The following PTPRD variants were observed in gnomAD, a reference collection of about 807,000 sequenced individuals.
PTPRD encodes protein tyrosine phosphatase receptor type D.
Under a neutral mutation model 214.5 loss-of-function variants are expected in PTPRD, and 34 were observed. That is an observed-to-expected ratio of 0.16 (90% CI 0.12 to 0.21). The LOEUF is 0.21. Among genes scored for constraint, PTPRD ranks in the 10% least tolerant of loss-of-function variants. The pLI is 1.00. For synonymous variants in PTPRD, 1,128 were observed against 845.7 expected, an observed-to-expected ratio of 1.33 and a Z score of -5.79; for missense variants, 2,545 against 2,398.7, an observed-to-expected ratio of 1.06 and a Z score of -1.27.
chr9:10,030,934 A>G (rs2097053608), intron 4 of PTPRD, among the ~76,000 whole-genome samples: 1 of 152,200 alleles, frequency 6.6e-6, no homozygotes, highest in South Asian at 2.1e-4. Flanking sequence ...ACTTTTCCCT[A>G]TTTAAGTGTT....
At chr9:9,952,296 A>G (rs1281488159) in intron 4 of PTPRD, among the ~76,000 whole-genome samples, 1 of 152,214 alleles carries the variant, frequency 6.6e-6, no homozygotes, top group Non-Finnish European at 1.5e-5. Context: ...AGAATGTAAG[A>G]AGCCAGGTGA....
At chr9:10,340,687 G>T (rs1442728960) in intron 3 of PTPRD, among the ~76,000 whole-genome samples, 2 of 151,796 alleles carry the variant, frequency 1.3e-5, no homozygotes, top group African/African-American at 2.4e-5. Context: ...TTCACATTAA[G>T]AATCTAGGAC....
chr9:9,713,538 G>C (rs1934271), intron 7 of PTPRD, among the ~76,000 whole-genome samples: 118,738 of 152,056 alleles, frequency 0.78, 47,139 homozygotes, highest in African/African-American at 0.92. Context: ...AGGGTTCAAA[G>C]CATAAATGAA....
At chr9:10,400,854 T>A (rs2154495491) in intron 2 of PTPRD, among the ~76,000 whole-genome samples, 1 of 151,756 alleles carries the variant, frequency 6.6e-6, no homozygotes, top group South Asian at 2.1e-4. Flanking sequence ...GTGTTATTTA[T>A]CTATTTCTTT....
At chr9:8,734,011 T>C in intron 11 of PTPRD, 65 bp from the exon 12 acceptor site, 1 of 646,548 alleles carries the variant, frequency 1.5e-6, no homozygotes, top group Non-Finnish European at 2.7e-6. Context: ...TTTCTTACTC[T>C]TTCCCCCCTG....
At chr9:10,430,936 T>TA (rs2098671714) in intron 2 of PTPRD, among the ~76,000 whole-genome samples, 1 of 152,000 alleles carries the variant, frequency 6.6e-6, no homozygotes, top group African/African-American at 2.4e-5. Context: ...TTTATACACT[T>TA]AAATAATATT....
At chr9:9,201,399 G>C (rs73641257) in intron 9 of PTPRD, among the ~76,000 whole-genome samples, 18,139 of 152,148 alleles carry the variant, frequency 0.12, 1,303 homozygotes, top group Admixed American at 0.17. Flanking sequence ...GCAAAGGTGA[G>C]TGCAGCAAAA....
chr9:10,223,446 C>T (rs531183977), intron 3 of PTPRD, among the ~76,000 whole-genome samples: 1 of 152,010 alleles, frequency 6.6e-6, no homozygotes, highest in East Asian at 1.9e-4. Context: ...GGGCAGATCA[C>T]TTGAGGCCAG....
intron 8 of PTPRD, among the ~76,000 whole-genome samples, chr9:9,504,414 A>T (rs1336910353): frequency 6.6e-6 from 1 of 151,582 alleles, no homozygotes; most frequent in Non-Finnish European, 1.5e-5. Flanking sequence ...AAATTATACA[A>T]CCCTTGTCTC....
At chr9:10,210,819 A>ATATATG (rs1554858769) in intron 3 of PTPRD, among the ~76,000 whole-genome samples, 120 of 70,150 alleles carry the variant, frequency 1.7e-3, no homozygotes, top group African/African-American at 7.0e-3. Context: ...ATATATATAT[A>ATATATG]TATGTATGTA....
intron 10 of PTPRD, among the ~76,000 whole-genome samples, chr9:9,165,940 C>T (rs2099902685): frequency 6.6e-6 from 1 of 151,814 alleles, no homozygotes; most frequent in East Asian, 1.9e-4. Flanking sequence ...CAGCCTTTTC[C>T]CCTTAAGTGT....
chr9:9,778,296 C>G (rs577867709), intron 5 of PTPRD, among the ~76,000 whole-genome samples: 1 of 152,238 alleles, frequency 6.6e-6, no homozygotes, highest in Non-Finnish European at 1.5e-5. Context: ...AACTCACTCT[C>G]TCTGTGGACC....
intron 9 of PTPRD, among the ~76,000 whole-genome samples, chr9:9,388,863 GGAAT>G (rs1253116561): frequency 6.6e-6 from 1 of 151,978 alleles, no homozygotes; most frequent in African/African-American, 2.4e-5. Flanking sequence ...TGAGTATAAG[GGAAT>G]GCAATAATAT....
At chr9:9,020,984 C>T (rs1290504703) in intron 10 of PTPRD, among the ~76,000 whole-genome samples, 2 of 152,142 alleles carry the variant, frequency 1.3e-5, no homozygotes, top group Non-Finnish European at 2.9e-5. Context: ...CTAATCCTTA[C>T]GTTTGAATGT....
At chr9:8,689,374 T>C (rs932116981) in intron 12 of PTPRD, among the ~76,000 whole-genome samples, 3 of 152,204 alleles carry the variant, frequency 2.0e-5, no homozygotes, top group Non-Finnish European at 4.4e-5. Flanking sequence ...CACAGTGTAG[T>C]AGTGTTTTTA....
At chr9:9,628,171 CTATTTCT>C (rs1411106999) in intron 7 of PTPRD, among the ~76,000 whole-genome samples, 1 of 152,134 alleles carries the variant, frequency 6.6e-6, no homozygotes, top group Non-Finnish European at 1.5e-5. Flanking sequence ...TTAGCTGACA[CTATTTCT>C]TAATTTTTCT....
intron 4 of PTPRD, among the ~76,000 whole-genome samples, chr9:9,948,097 G>A (rs1208636071): frequency 1.3e-5 from 2 of 151,946 alleles, no homozygotes; most frequent in Non-Finnish European, 1.5e-5. Context: ...GAGTAGTCAA[G>A]ATTTTTATTG....
At chr9:10,489,944 A>G (rs745338341) in intron 2 of PTPRD, among the ~76,000 whole-genome samples, 4 of 152,154 alleles carry the variant, frequency 2.6e-5, no homozygotes, top group Non-Finnish European at 5.9e-5. Flanking sequence ...TCAGCAATAT[A>G]AAGTTAAAAC....
At chr9:8,925,299 A>AGGGATGGTGT (rs2098867335) in intron 11 of PTPRD, among the ~76,000 whole-genome samples, 1 of 152,106 alleles carries the variant, frequency 6.6e-6, no homozygotes, top group African/African-American at 2.4e-5. Context: ...TCTTATAGGC[A>AGGGATGGTGT]GGGATGGTGT....
Sources: allele counts gnomAD v4.1 joint callset (sites outside exome capture counted in the v4.1 genomes callset), GRCh38; gene constraint gnomAD v4.1.1; transcripts MANE v1.5; gene names NCBI Gene and HGNC (gene_info 2026-07-23, HGNC 2026-07-21).